Variants in PCDHGA9 observed in about 807,000 individuals in gnomAD.
The protein encoded by PCDHGA9 is protocadherin gamma-A9.
A neutral mutation model predicts 62.5 loss-of-function variants in PCDHGA9; 37 were observed. That is an observed-to-expected ratio of 0.59 (90% CI 0.46 to 0.78). The LOEUF (loss-of-function observed/expected upper bound fraction) is 0.78, where lower values mean the gene tolerates loss of function less well. PCDHGA9 is among the 30% of genes least tolerant of loss of function. The probability of loss-of-function intolerance (pLI) is 0.00; values close to 1 mark genes in which losing one functional copy is unlikely to be tolerated. For missense variants in PCDHGA9, 1,138 were observed against 1,166.2 expected (o/e 0.98, Z 0.35); for synonymous variants, 459 against 484.6 (o/e 0.95, Z 0.69).
At chr5:141,433,347 C>T (rs1207853986) in intron 1 of PCDHGA9, 3 of 626,596 alleles carry the variant, frequency 4.8e-6, no homozygotes, top group Non-Finnish European at 8.3e-6. Context: ...GTGCAAGCCA[C>T]CTACTGTCTG....
At chr5:141,423,003 G>A (rs779233337) in intron 1 of PCDHGA9, 1 of 1,614,208 alleles carries the variant, frequency 6.2e-7, no homozygotes, top group African/African-American at 1.3e-5. Flanking sequence ...TGACCAAGGT[G>A]GTTGCGGTGG....
At position 141,403,211 on chromosome 5, in the gene PCDHGA9, G is replaced by A. The variant is rs1253134514; in HGVS notation, c.259G>A (p.Ala87Thr). Reference protein sequence around the residue: ...LNPRSGTLVTAGRIDREELCA... With the variant: ...LNPRSGTLVTTGRIDREELCA... ...CCCGCGCAGCGGCACCTTGGTCACC[G>A]CGGGTAGGATAGACCGGGAGGAGCT... Residue 87 changes from alanine (A) to threonine (T), a missense_variant, in exon 1 of 4, where the codon GCG (alanine) becomes ACG (threonine). Transcript: ENST00000573521. 2 of 1,613,856 alleles carry A rather than the reference G, an allele frequency of 1.2e-6. No homozygotes were observed. The highest frequency in any genetic ancestry group is 1.7e-6 in the Non-Finnish European group (2 of 1,179,930).
At chr5:141,422,645 TCTCAGTGAC>T in intron 1 of PCDHGA9, 2 of 1,612,232 alleles carry the variant, frequency 1.2e-6, no homozygotes, top group Non-Finnish European at 1.7e-6. Flanking sequence ...GCCTCCATCT[TCTCAGTGAC>T]CGCCCTCGAC....
chr5:141,450,991 A>AT (rs1351194705), intron 1 of PCDHGA9, among the ~76,000 whole-genome samples: 1 of 150,700 alleles, frequency 6.6e-6, no homozygotes. Context: ...CACCCGGCTA[A>AT]TTTTTTTGTA....
At chr5:141,465,241 G>C (rs2099099198) in intron 1 of PCDHGA9, among the ~76,000 whole-genome samples, 1 of 151,964 alleles carries the variant, frequency 6.6e-6, no homozygotes, top group South Asian at 2.1e-4. Flanking sequence ...CAAGTTCAAG[G>C]CACTTTTGTA....
chr5:141,419,996 C>G, intron 1 of PCDHGA9: 1 of 1,614,084 alleles, frequency 6.2e-7, no homozygotes, highest in Non-Finnish European at 8.5e-7. Context: ...AGCTATTGCT[C>G]TACGCCTGCG....
intron 1 of PCDHGA9, among the ~76,000 whole-genome samples, chr5:141,472,980 C>CAAAAAAAAAAAAAA (rs60579131): frequency 5.8e-5 from 5 of 86,102 alleles, no homozygotes; most frequent in Admixed American, 1.2e-4. Context: ...GAGTGAAACT[C>CAAAAAAAAAAAAAA]AAAAAAAAAA....
intron 1 of PCDHGA9, chr5:141,413,232 G>A (rs374674787): frequency 1.1e-4 from 170 of 1,613,834 alleles, no homozygotes; most frequent in Non-Finnish European, 1.4e-4. Context: ...GGCTGGTCCT[G>A]CTCTGCCTTT....
intron 1 of PCDHGA9, among the ~76,000 whole-genome samples, chr5:141,484,358 G>A (rs2099595185): frequency 6.6e-6 from 1 of 152,160 alleles, no homozygotes; most frequent in South Asian, 2.1e-4. Flanking sequence ...AGTGTATCTA[G>A]TGTATCACTA....
At chr5:141,469,249 C>T (rs1025813940) in intron 1 of PCDHGA9, among the ~76,000 whole-genome samples, 1 of 152,026 alleles carries the variant, frequency 6.6e-6, no homozygotes, top group Non-Finnish European at 1.5e-5. Flanking sequence ...TGCACTCCAG[C>T]TTGGGCAACA....
At position 141,491,518 on chromosome 5, in the gene PCDHGA9, A is replaced by G. The variant is rs756813813; in HGVS notation, c.2425-3289A>G. 3 of 1,613,990 alleles carry G rather than the reference A, an allele frequency of 1.9e-6. No individual in the cohort carries two copies. The highest frequency in any genetic ancestry group is 3.3e-5 in the Admixed American group (2 of 60,028). ...GAGCTCGGACGGCACGCTCAAGTAC[A>G]TGGAGGTGACGCTGCGGCCCACAGA... On this transcript the variant is annotated intron_variant, in intron 1 of 3. Transcript: ENST00000573521. This position sits in a 1 kb window ranked among gnomAD's most constrained non-coding sequence, Gnocchi z 6.9.
Position 141,432,691 on chromosome 5 carries a change from G to T in PCDHGA9, c.2424+27315G>T. 1 of 1,613,942 alleles carries T rather than the reference G, an allele frequency of 6.2e-7. No individual in the cohort carries two copies. The highest frequency in any genetic ancestry group is 1.1e-5 in the South Asian group (1 of 91,068). On this transcript the variant is annotated intron_variant, in intron 1 of 3. Coordinates refer to ENST00000573521, the MANE Select transcript of PCDHGA9 (RefSeq NM_018921.3). This position sits in a 1 kb window ranked among gnomAD's most constrained non-coding sequence, Gnocchi z 6.0. ...ACGCGCTCAAGCAGAGCCTCGTAGT[G>T]GCCGTCCAGGACCACGGCCAGCCCC... is the stretch of plus-strand genomic sequence containing the variant.
At chr5:141,474,087 A>C (rs1483673747) in intron 1 of PCDHGA9, among the ~76,000 whole-genome samples, 4 of 152,198 alleles carry the variant, frequency 2.6e-5, no homozygotes, top group South Asian at 2.1e-4. Context: ...AAAACCAAAA[A>C]ACAAACAACA....
intron 1 of PCDHGA9, chr5:141,415,485 T>C (rs2154545779): frequency 6.2e-7 from 1 of 1,614,044 alleles, no homozygotes; most frequent in South Asian, 1.1e-5. Flanking sequence ...CGCGAAAGAG[T>C]CACCTGATCT....
Position 141,427,920 on chromosome 5 carries a change from C to T in PCDHGA9, c.2424+22544C>T, listed in dbSNP as rs552823212. The T allele has an allele frequency of 3.8e-6, 6 of 1,579,506 alleles. No homozygotes were observed. In the African/African-American group the frequency reaches 4.0e-5, roughly 11 times the overall value. On this transcript the variant is annotated intron_variant, in intron 1 of 3. Transcript: ENST00000573521. The stretch of plus-strand genomic sequence containing the variant: ...GCCCGCGCTCAGCGCCAACATGAGC[C>T]GGCGCATGTTGGTGGGCGACCTCAA...
chr5:141,480,951 G>A (rs924500955), intron 1 of PCDHGA9, among the ~76,000 whole-genome samples: 4 of 152,038 alleles, frequency 2.6e-5, no homozygotes, highest in Non-Finnish European at 2.9e-5. Flanking sequence ...AGGCTGAGGC[G>A]GAAGCATCAG....
intron 1 of PCDHGA9, among the ~76,000 whole-genome samples, chr5:141,446,777 C>CTT (rs1480571336): frequency 1.3e-5 from 2 of 152,072 alleles, no homozygotes; most frequent in Non-Finnish European, 2.9e-5. Flanking sequence ...GGTTACCATT[C>CTT]TTTTACTCTG....
At chr5:141,423,485 C>T (rs752918607) in intron 1 of PCDHGA9, 30 of 1,613,840 alleles carry the variant, frequency 1.9e-5, no homozygotes, top group Non-Finnish European at 2.2e-5. Context: ...TTCCTGCAAA[C>T]CTATTCCCAC....
Position 141,403,226 on chromosome 5 carries a change from C to A in PCDHGA9, c.274C>A (p.Arg92=). 1.9e-6 allele frequency: 3 copies of A among 1,613,926 alleles called. No individual in the cohort carries two copies. The highest frequency in any genetic ancestry group is 1.1e-5 in the South Asian group (1 of 91,086). ...GTLVTAGRID[R]EELCAQSPRC... is the part of the protein sequence containing the mutation. ...CTTGGTCACCGCGGGTAGGATAGAC[C>A]GGGAGGAGCTCTGTGCTCAGAGCCC... Residue 92 remains arginine (R), a synonymous_variant, in exon 1 of 4, where the codon CGG becomes AGG. Coordinates refer to ENST00000573521, the MANE Select transcript of PCDHGA9 (RefSeq NM_018921.3).
Sources: gnomAD v4.1 joint callset for allele counts (sites outside exome capture counted in the v4.1 genomes callset) on GRCh38, gnomAD v4.1.1 for gene constraint, Gnocchi (gnomAD v3.1) non-coding constraint, MANE v1.5 for transcripts, NCBI Gene and HGNC (gene_info 2026-07-23, HGNC 2026-07-21) for gene names.